The following DAZAP1 variants were observed in gnomAD, a reference collection of about 807,000 sequenced individuals.
DAZAP1 encodes the protein DAZ associated protein 1.
Under a neutral mutation model 60.1 loss-of-function variants are expected in DAZAP1, and 6 were observed. That is an observed-to-expected ratio of 0.10 (90% CI 0.05 to 0.20). DAZAP1 has a LOEUF of 0.20. Ranked by LOEUF, DAZAP1 falls within the 10% of genes least tolerant of loss-of-function variation. The pLI, the probability that DAZAP1 is intolerant of heterozygous loss-of-function variation, is 1.00. For missense variants in DAZAP1, 366 were observed against 560.4 expected (o/e 0.65, Z 3.50); for synonymous variants, 235 against 215.9 (o/e 1.09, Z -0.78).
rs375524037 is a variant in DAZAP1, at chr19:1,423,040, T to TCCCCCCCC, written c.463+647_463+648insCCCCCCCC. 6.6e-6 allele frequency among the ~76,000 whole-genome samples: 1 copy of TCCCCCCCC among 150,614 alleles called. No individual in the cohort carries two copies. The highest frequency in any genetic ancestry group is 1.5e-5 in the Non-Finnish European group (1 of 67,732). On this transcript the variant is annotated intron_variant, in intron 6 of 11. Coordinates refer to ENST00000233078, the MANE Select transcript of DAZAP1 (RefSeq NM_018959.4). The surrounding 1 kb of genome is among the most constrained non-coding windows in gnomAD (Gnocchi z 6.8). ...CCTTTTCCGTGGCTGCTGCTGTCTG[T>TCCCCCCCC]CCCGCCCGCCCGCATGGTTTTGGTT...
Position 1,433,798 on chromosome 19 carries a change from A to T in DAZAP1, c.1049-939A>T. On this transcript the variant is annotated intron_variant, in intron 11 of 11. Coordinates refer to ENST00000233078, the MANE Select transcript of DAZAP1 (RefSeq NM_018959.4). This position sits in a 1 kb window ranked among gnomAD's most constrained non-coding sequence, Gnocchi z 6.1. ...CGGCCCACACTTTGTTTACAGTCTT[A>T]TGGTCAGGCTGAGCAGTGATGTGGC... 2 of 1,613,916 alleles carry T rather than the reference A, an allele frequency of 1.2e-6. No individual in the cohort carries two copies. The highest frequency in any genetic ancestry group is 1.7e-6 in the Non-Finnish European group (2 of 1,179,890).
intron 1 of DAZAP1, among the ~76,000 whole-genome samples, chr19:1,413,802 T>C (rs1020297303): frequency 6.6e-6 from 1 of 152,212 alleles, no homozygotes; most frequent in Admixed American, 6.5e-5. Flanking sequence ...TGAGACTTGT[T>C]TCAAAAGAAA....
rs2082704559 is a variant in DAZAP1 at position 1,407,674 on chromosome 19, C to T, written c.-100C>T. 9 of 790,256 alleles carry T rather than the reference C, an allele frequency of 1.1e-5. No homozygotes were observed. In the South Asian group the frequency reaches 4.4e-4, roughly 39 times the overall value. The allele number at this position is 790,256 out of a possible 1,614,324, so 49.0% of individuals were successfully genotyped here. The stretch of plus-strand genomic sequence containing the variant: ...CGCCGCCGCCGCCGTTGCGCAGATC[C>T]GGGCCGCGGCTGTGGGGAGGGCGAC... On this transcript the variant is annotated 5_prime_UTR_variant, in exon 1 of 12. Coordinates refer to ENST00000233078, the MANE Select transcript of DAZAP1 (RefSeq NM_018959.4).
rs1160615475 is a variant in DAZAP1, at chr19:1,407,660, C to CCGT, written c.-113_-111dup. ...GCCGCCGCCGCCGCCGCCGCCGCCG[C>CCGT]CGTTGCGCAGATCCGGGCCGCGGCT... On this transcript the variant is annotated 5_prime_UTR_variant, in exon 1 of 12. Transcript: ENST00000233078. 12 of 959,074 alleles carry CCGT rather than the reference C, an allele frequency of 1.3e-5. No homozygotes were observed. The East Asian group carries it at 1.0e-3, about 83-fold the overall frequency. The allele number at this position is 959,074 out of a possible 1,614,324, so 59.4% of individuals were successfully genotyped here. A position where few individuals can be genotyped will look rare whatever the true frequency, so the allele number is the denominator to read the frequency against.
chr19:1,408,653 T>G (rs1600171596), intron 1 of DAZAP1, among the ~76,000 whole-genome samples: 3 of 152,148 alleles, frequency 2.0e-5, no homozygotes, highest in South Asian at 2.1e-4. Context: ...GGGGGTGGGC[T>G]TGAGCTGCGG....
chr19:1,422,777 C>G lies in DAZAP1; in HGVS notation c.463+381C>G, dbSNP rs561284296. On this transcript the variant is annotated intron_variant, in intron 6 of 11. Transcript: ENST00000233078. This position sits in a 1 kb window ranked among gnomAD's most constrained non-coding sequence, Gnocchi z 4.5. ...GTGTCGTCAGCTGGGTCAGCTGGCT[C>G]GGTGTGGAGTTTGGATTTTCCGTGA... Among the ~76,000 whole-genome samples the G allele has an allele frequency of 3.3e-5, 5 of 152,180 alleles. No individual in the cohort carries two copies. The highest frequency in any genetic ancestry group is 1.2e-4 in the African/African-American group (5 of 41,512).
At chr19:1,427,525 C>T (rs1237944126) in intron 7 of DAZAP1, 2 of 152,272 alleles carry the variant, frequency 1.3e-5, no homozygotes, top group African/African-American at 2.4e-5. Flanking sequence ...TGGTAGTTAA[C>T]CCTCCATGCC....
chr19:1,421,382 G>A, intron 5 of DAZAP1, 124 bp downstream of exon 5: 1 of 793,422 alleles, frequency 1.3e-6, no homozygotes, highest in Non-Finnish European at 2.0e-6. Flanking sequence ...GGAGCTCGCT[G>A]TCTCGTATTT....
chr19:1,432,327 T>A lies in DAZAP1; in HGVS notation c.872-187T>A, dbSNP rs1569102339. The A allele has an allele frequency of 1.5e-6, 1 of 653,306 alleles. No individual in the cohort carries two copies. Among genetic ancestry groups the A allele is most frequent in the African/African-American group, 1.8e-5 (1 of 54,998 alleles). 40.5% of individuals were successfully genotyped at this position (653,306 alleles called of 1,614,324 possible). On this transcript the variant is annotated intron_variant, in intron 10 of 11. Coordinates refer to ENST00000233078, the MANE Select transcript of DAZAP1 (RefSeq NM_018959.4). The surrounding 1 kb of genome is among the most constrained non-coding windows in gnomAD (Gnocchi z 4.9). Reference sequence around the variant, plus strand: ...CACGCTCCCAGGAGTGTGTGTTTCCTGGGGGGAGCGGCCCGGGACCGTGGC... The same window carrying A: ...CACGCTCCCAGGAGTGTGTGTTTCCAGGGGGGAGCGGCCCGGGACCGTGGC...
chr19:1,435,271 T>C lies in DAZAP1; in HGVS notation c.*359T>C, dbSNP rs1191471825. ...AAACTTTTATGTTAAAGAAAAAATA[T>C]ACATTTACAAATTGTGAGATTTTTA... On this transcript the variant is annotated 3_prime_UTR_variant, in exon 12 of 12. Coordinates refer to ENST00000233078, the MANE Select transcript of DAZAP1 (RefSeq NM_018959.4). 6.4e-6 allele frequency: 1 copy of C among 155,144 alleles called. No homozygotes were observed. The highest frequency in any genetic ancestry group is 1.4e-5 in the Non-Finnish European group (1 of 69,826). 9.6% of individuals were successfully genotyped at this position (155,144 alleles called of 1,614,324 possible). A position where few individuals can be genotyped will look rare whatever the true frequency, so the allele number is the denominator to read the frequency against.
In DAZAP1 at chr19:1,422,276, A is replaced by G; in HGVS notation, c.415-72A>G. ...TGCGAGAGTTTGGGTTCGTGGGAACAGGCTGTGCCCTCGGAAGACCACCTG... is the reference window on the plus strand; with the variant it reads ...TGCGAGAGTTTGGGTTCGTGGGAACGGGCTGTGCCCTCGGAAGACCACCTG... On this transcript the variant is annotated intron_variant, in intron 5 of 11. Coordinates refer to ENST00000233078, the MANE Select transcript of DAZAP1 (RefSeq NM_018959.4). This position sits in a 1 kb window ranked among gnomAD's most constrained non-coding sequence, Gnocchi z 4.5. 7.0e-7 allele frequency: 1 copy of G among 1,425,480 alleles called. No individual in the cohort carries two copies. The allele number at this position is 1,425,480 out of a possible 1,614,324, so 88.3% of individuals were successfully genotyped here. A position where few individuals can be genotyped will look rare whatever the true frequency, so the allele number is the denominator to read the frequency against.
At chr19:1,417,204 T>G in intron 1 of DAZAP1, 1 of 468,366 alleles carries the variant, frequency 2.1e-6, no homozygotes, top group Non-Finnish European at 3.8e-6. Flanking sequence ...GTGAGCGTGG[T>G]GCCGTCACCA....
Position 1,407,666 on chromosome 19 carries a change from C to G in DAZAP1, c.-108C>G, listed in dbSNP as rs1211643301. 9.6e-6 allele frequency: 9 copies of G among 938,746 alleles called. No homozygotes were observed. In the Admixed American group the frequency reaches 3.6e-4, roughly 38 times the overall value. The allele number at this position is 938,746 out of a possible 1,614,324, so 58.2% of individuals were successfully genotyped here. On this transcript the variant is annotated 5_prime_UTR_variant, in exon 1 of 12. Coordinates refer to ENST00000233078, the MANE Select transcript of DAZAP1 (RefSeq NM_018959.4). ...GCCGCCGCCGCCGCCGCCGCCGTTGCGCAGATCCGGGCCGCGGCTGTGGGG... is the reference window on the plus strand; with the variant it reads ...GCCGCCGCCGCCGCCGCCGCCGTTGGGCAGATCCGGGCCGCGGCTGTGGGG...
Position 1,422,740 on chromosome 19 carries a change from C to A in DAZAP1, c.463+344C>A, listed in dbSNP as rs1047643492. Among the ~76,000 whole-genome samples, 1 of 152,082 alleles carries A rather than the reference C, an allele frequency of 6.6e-6. No homozygotes were observed. Among genetic ancestry groups the A allele is most frequent in the African/African-American group, 2.4e-5 (1 of 41,408 alleles). On this transcript the variant is annotated intron_variant, in intron 6 of 11. Transcript: ENST00000233078. This position sits in a 1 kb window ranked among gnomAD's most constrained non-coding sequence, Gnocchi z 4.5. Reference sequence around the variant, plus strand: ...CCTCATCCAGTCCTCCCAGTGTGGCCGGTCTCATTTCGTGTCGTCAGCTGG... The same window carrying A: ...CCTCATCCAGTCCTCCCAGTGTGGCAGGTCTCATTTCGTGTCGTCAGCTGG...
intron 1 of DAZAP1, among the ~76,000 whole-genome samples, chr19:1,414,699 A>G (rs938900848): frequency 3.3e-5 from 5 of 152,150 alleles, no homozygotes; most frequent in South Asian, 4.2e-4. Flanking sequence ...TCGCGCCACT[A>G]CACTCCAGCC....
intron 10 of DAZAP1, chr19:1,431,948 G>A (rs2083463077): frequency 6.4e-6 from 1 of 156,270 alleles, no homozygotes; most frequent in Non-Finnish European, 1.4e-5. Flanking sequence ...CCGTGGTACA[G>A]GAGCAGGCAG....
intron 1 of DAZAP1, among the ~76,000 whole-genome samples, chr19:1,410,289 C>T (rs573249714): frequency 3.3e-5 from 5 of 152,250 alleles, no homozygotes; most frequent in East Asian, 3.9e-4. Flanking sequence ...GAAGCGCATA[C>T]GTGTGGTGGG....
chr19:1,432,821 G>A lies in DAZAP1; in HGVS notation c.1048+131G>A, dbSNP rs994387268. 3 of 1,076,312 alleles carry A rather than the reference G, an allele frequency of 2.8e-6. No individual in the cohort carries two copies. The highest frequency in any genetic ancestry group is 2.7e-6 in the Non-Finnish European group (2 of 754,616). The allele number at this position is 1,076,312 out of a possible 1,614,324, so 66.7% of individuals were successfully genotyped here. A position where few individuals can be genotyped will look rare whatever the true frequency, so the allele number is the denominator to read the frequency against. On this transcript the variant is annotated intron_variant, in intron 11 of 11. Coordinates refer to ENST00000233078, the MANE Select transcript of DAZAP1 (RefSeq NM_018959.4). This position sits in a 1 kb window ranked among gnomAD's most constrained non-coding sequence, Gnocchi z 4.9. ...GGTGGGAAAGGGGAGAGGGAGGAGA[G>A]GGGGGTGTGGGGGTTGTTGGAGAGA...
At chr19:1,419,757 C>T (rs992929786) in intron 4 of DAZAP1, among the ~76,000 whole-genome samples, 36 of 150,252 alleles carry the variant, frequency 2.4e-4, no homozygotes, top group Middle Eastern at 7.0e-3. Flanking sequence ...CCATCCCGAC[C>T]GTCACGGCAG....
Sources: gnomAD v4.1 joint callset for allele counts (sites outside exome capture counted in the v4.1 genomes callset) on GRCh38, gnomAD v4.1.1 for gene constraint, Gnocchi (gnomAD v3.1) non-coding constraint, MANE v1.5 for transcripts, NCBI Gene and HGNC (gene_info 2026-07-23, HGNC 2026-07-21) for gene names.